Variants in P4HB observed in about 807,000 individuals in gnomAD.
P4HB encodes prolyl 4-hydroxylase subunit beta.
P4HB carries 20 observed loss-of-function variants against 52.6 expected under a neutral mutation model. The ratio of observed to expected loss-of-function variants is 0.38; its 90% CI spans 0.27 to 0.55. P4HB has a LOEUF of 0.55. Ranked by LOEUF, P4HB falls within the 20% of genes least tolerant of loss-of-function variation. The pLI, the probability that P4HB is intolerant of heterozygous loss-of-function variation, is 0.74. For synonymous variants in P4HB, 296 were observed against 277.9 expected (o/e 1.07, Z -0.65); for missense variants, 601 against 669.2 (o/e 0.90, Z 1.12).
Position 81,847,076 on chromosome 17 carries a change from T to C in P4HB, c.730-4A>G. Reference sequence around the variant, plus strand: ...CTCCAAAAATCTTCGGGGCTGTCTGTGTTATAAACTTAAGTTACTGGGTCT... The same window carrying C: ...CTCCAAAAATCTTCGGGGCTGTCTGCGTTATAAACTTAAGTTACTGGGTCT... On this transcript the variant is annotated splice_region_variant and splice_polypyrimidine_tract_variant and intron_variant, in intron 5 of 10. Coordinates refer to ENST00000331483, the MANE Select transcript of P4HB (RefSeq NM_000918.4). The C allele has an allele frequency of 1.2e-6, 2 of 1,614,016 alleles. No homozygotes were observed. The highest frequency in any genetic ancestry group is 8.5e-7 in the Non-Finnish European group (1 of 1,180,022).
At position 81,855,740 on chromosome 17, in the gene P4HB, G is replaced by A. The variant is rs1029380366; in HGVS notation, c.353-154C>T. On this transcript the variant is annotated intron_variant, in intron 2 of 10. Coordinates refer to ENST00000331483, the MANE Select transcript of P4HB (RefSeq NM_000918.4). The surrounding 1 kb of genome is among the most constrained non-coding windows in gnomAD (Gnocchi z 4.3). ...CCCACCATGGAAGAGGCCCGGTGCC[G>A]TCCGCCCGCCTCCTAAACCCCAGTG... 45 of 804,844 alleles carry A rather than the reference G, an allele frequency of 5.6e-5. No individual in the cohort carries two copies. The East Asian group carries it at 6.9e-4, about 12-fold the overall frequency. The allele number at this position is 804,844 out of a possible 1,614,324, so 49.9% of individuals were successfully genotyped here. A position where few individuals can be genotyped will look rare whatever the true frequency, so the allele number is the denominator to read the frequency against.
rs1463838078 is a variant in P4HB at position 81,846,324 on chromosome 17, T to G, written c.1056+105A>C. On this transcript the variant is annotated intron_variant, in intron 7 of 10. Coordinates refer to ENST00000331483, the MANE Select transcript of P4HB (RefSeq NM_000918.4). The surrounding 1 kb of genome is among the most constrained non-coding windows in gnomAD (Gnocchi z 5.7). The stretch of plus-strand genomic sequence containing the variant: ...CATCTTGGGCTCCGTCCTCTTACTC[T>G]GAAGATCTTACTTTGAGGACGAAGC... 2 of 1,071,992 alleles carry G rather than the reference T, an allele frequency of 1.9e-6. No individual in the cohort carries two copies. Among genetic ancestry groups the G allele is most frequent in the Non-Finnish European group, 2.8e-6 (2 of 711,026 alleles). 66.4% of individuals were successfully genotyped at this position (1,071,992 alleles called of 1,614,324 possible).
At chr17:81,859,610 G>A (rs1039150410) in intron 1 of P4HB, 1 of 569,692 alleles carries the variant, frequency 1.8e-6, no homozygotes, top group African/African-American at 1.9e-5. Context: ...ACCAACACCA[G>A]CCCCCACTCT....
Position 81,843,459 on chromosome 17 carries a change from C to T in P4HB, c.*553G>A, listed in dbSNP as rs1445237140. The T allele has an allele frequency of 7.5e-6, 3 of 400,234 alleles. No homozygotes were observed. In the Admixed American group the frequency reaches 1.3e-4, roughly 17 times the overall value. The allele number at this position is 400,234 out of a possible 1,614,324, so 24.8% of individuals were successfully genotyped here. A position where few individuals can be genotyped will look rare whatever the true frequency, so the allele number is the denominator to read the frequency against. On this transcript the variant is annotated 3_prime_UTR_variant, in exon 11 of 11. Transcript: ENST00000331483. ...CTCCTCTTCCAGGCATGGGGGACACCCTGACAGGATCCGGAAGTCTCCATT... is the reference window on the plus strand; with the variant it reads ...CTCCTCTTCCAGGCATGGGGGACACTCTGACAGGATCCGGAAGTCTCCATT...
chr17:81,846,785 G>T lies in P4HB; in HGVS notation c.856-156C>A. 1 of 1,200,406 alleles carries T rather than the reference G, an allele frequency of 8.3e-7. No individual in the cohort carries two copies. The highest frequency in any genetic ancestry group is 1.2e-6 in the Non-Finnish European group (1 of 836,044). 74.4% of individuals were successfully genotyped at this position (1,200,406 alleles called of 1,614,324 possible). A position where few individuals can be genotyped will look rare whatever the true frequency, so the allele number is the denominator to read the frequency against. ...AGACCAGCAGGTGACTGGGAGCAGA[G>T]GTCTGGCCTGGCTGGCCCCTCGCCT... On this transcript the variant is annotated intron_variant, in intron 6 of 10. Transcript: ENST00000331483. This position sits in a 1 kb window ranked among gnomAD's most constrained non-coding sequence, Gnocchi z 5.7.
chr17:81,856,985 G>A (rs187593300), intron 2 of P4HB, among the ~76,000 whole-genome samples: 54 of 151,662 alleles, frequency 3.6e-4, no homozygotes, highest in East Asian at 2.0e-4. Context: ...GTTTTGCCAC[G>A]TTGCCTAGGA....
intron 2 of P4HB, 153 bp downstream of exon 2, chr17:81,859,028 C>T (rs778085325): frequency 7.7e-6 from 5 of 649,766 alleles, no homozygotes; most frequent in African/African-American, 3.6e-5. Flanking sequence ...ACCCTCAGGG[C>T]ACAAGTGGAC....
Position 81,846,008 on chromosome 17 carries a change from G to A in P4HB, c.1057-17C>T, listed in dbSNP as rs2038730081. The A allele has an allele frequency of 4.4e-6, 7 of 1,598,156 alleles. No individual in the cohort carries two copies. The highest frequency in any genetic ancestry group is 2.2e-5 in the East Asian group (1 of 44,508). On this transcript the variant is annotated splice_polypyrimidine_tract_variant and intron_variant, in intron 7 of 10. Coordinates refer to ENST00000331483, the MANE Select transcript of P4HB (RefSeq NM_000918.4). This position sits in a 1 kb window ranked among gnomAD's most constrained non-coding sequence, Gnocchi z 5.7. ...CAGGTGGGGCTGGAGGGCAGGCAGG[G>A]CACGGTGAGGGGCGGCGATGCCTGG...
At chr17:81,845,511 C>A in intron 9 of P4HB, 50 bp downstream of exon 9, 1 of 1,512,288 alleles carries the variant, frequency 6.6e-7, no homozygotes, top group Non-Finnish European at 8.9e-7. Flanking sequence ...GCGTGGGGAC[C>A]ACTGCTCTTC....
rs550784125 is a variant in P4HB, at chr17:81,843,780, C to T, written c.*232G>A. The T allele has an allele frequency of 1.7e-6, 1 of 594,300 alleles. No individual in the cohort carries two copies. The highest frequency in any genetic ancestry group is 1.9e-5 in the African/African-American group (1 of 53,902). 36.8% of individuals were successfully genotyped at this position (594,300 alleles called of 1,614,324 possible). ...TACATCATGGTTTCAGGAAACAAGC[C>T]CCACCAGGGTGGGCTGCCTGGAGAT... On this transcript the variant is annotated 3_prime_UTR_variant, in exon 11 of 11. Transcript: ENST00000331483.
In P4HB at chr17:81,843,796, G is replaced by A. The variant is rs2038688868; in HGVS notation, c.*216C>T. ...GAAACAAGCCCCACCAGGGTGGGCTGCCTGGAGATGGATCCCTTTCCAAAA... is the reference window on the plus strand; with the variant it reads ...GAAACAAGCCCCACCAGGGTGGGCTACCTGGAGATGGATCCCTTTCCAAAA... On this transcript the variant is annotated 3_prime_UTR_variant, in exon 11 of 11. Coordinates refer to ENST00000331483, the MANE Select transcript of P4HB (RefSeq NM_000918.4). The A allele has an allele frequency of 5.0e-6, 3 of 603,926 alleles. No individual in the cohort carries two copies. Among genetic ancestry groups the A allele is most frequent in the African/African-American group, 3.7e-5 (2 of 54,024 alleles). 37.4% of individuals were successfully genotyped at this position (603,926 alleles called of 1,614,324 possible).
At chr17:81,845,088 C>T (rs1050546868) in intron 10 of P4HB, 56 bp downstream of exon 10, 33 of 1,359,130 alleles carry the variant, frequency 2.4e-5, no homozygotes, top group Admixed American at 1.1e-4. Context: ...GGGCATGTCC[C>T]GTGGGGCCAA....
Position 81,855,317 on chromosome 17 carries a change from C to T in P4HB, c.487-38G>A, listed in dbSNP as rs202036920. 160 of 1,612,960 alleles carry T rather than the reference C, an allele frequency of 9.9e-5. No homozygotes were observed. Among genetic ancestry groups the T allele is most frequent in the East Asian group, 2.5e-4 (11 of 44,858 alleles). ...GGAGAAGCAGAGGTCGTCATGATCC[C>T]GCAGCACCAAGCAGTAGGGCAGACC... is the stretch of plus-strand genomic sequence containing the variant. On this transcript the variant is annotated intron_variant, in intron 3 of 10. Transcript: ENST00000331483. This position sits in a 1 kb window ranked among gnomAD's most constrained non-coding sequence, Gnocchi z 4.3.
Position 81,855,591 on chromosome 17 carries a change from C to T in P4HB, c.353-5G>A. The T allele has an allele frequency of 6.2e-7, 1 of 1,612,138 alleles. No individual in the cohort carries two copies. The highest frequency in any genetic ancestry group is 2.2e-5 in the East Asian group (1 of 44,866). On this transcript the variant is annotated splice_polypyrimidine_tract_variant and splice_region_variant and intron_variant, in intron 2 of 10. Transcript: ENST00000331483. This position sits in a 1 kb window ranked among gnomAD's most constrained non-coding sequence, Gnocchi z 4.3. ...TGTCATCAGCCTCTCTGCCAGCTAA[C>T]CCCAAACAAATGTAGGTTCTACTCT... is the stretch of plus-strand genomic sequence containing the variant.
rs538147558 is a variant in P4HB, at chr17:81,853,438, T to A, written c.624+1704A>T. Among the ~76,000 whole-genome samples, 373 of 152,188 alleles carry A rather than the reference T, an allele frequency of 2.5e-3. 1 individual carries two copies. Among genetic ancestry groups the A allele is most frequent in the Non-Finnish European group, 3.7e-3 (254 of 67,986 alleles). On this transcript the variant is annotated intron_variant, in intron 4 of 10. Coordinates refer to ENST00000331483, the MANE Select transcript of P4HB (RefSeq NM_000918.4). Reference sequence around the variant, plus strand: ...ATACAAAAAAATTAGCTGGGTGTGGTGGCGGGTGCCCTGTAGTCCCAGCTA... The same window carrying A: ...ATACAAAAAAATTAGCTGGGTGTGGAGGCGGGTGCCCTGTAGTCCCAGCTA...
chr17:81,856,486 C>T (rs1420360844), intron 2 of P4HB, among the ~76,000 whole-genome samples: 9 of 151,498 alleles, frequency 5.9e-5, no homozygotes, highest in African/African-American at 2.2e-4. Flanking sequence ...TATAGGTGCC[C>T]GCCACCACAC....
intron 4 of P4HB, among the ~76,000 whole-genome samples, chr17:81,851,692 G>C (rs1429012314): frequency 6.6e-6 from 1 of 152,226 alleles, no homozygotes; most frequent in Non-Finnish European, 1.5e-5. Context: ...CAGAGTGTCA[G>C]GCGCCGCCTA....
In P4HB at chr17:81,855,024, A is replaced by G. The variant is rs145875177; in HGVS notation, c.624+118T>C. The G allele has an allele frequency of 0.01, 10,037 of 967,124 alleles. 75 individuals are homozygous for G. Among genetic ancestry groups the G allele is most frequent in the Non-Finnish European group, 0.013 (8,206 of 613,698 alleles). 59.9% of individuals were successfully genotyped at this position (967,124 alleles called of 1,614,324 possible). On this transcript the variant is annotated intron_variant, in intron 4 of 10. Coordinates refer to ENST00000331483, the MANE Select transcript of P4HB (RefSeq NM_000918.4). This position sits in a 1 kb window ranked among gnomAD's most constrained non-coding sequence, Gnocchi z 4.3. ...CCCCAACTTGGCAAAGCTGCAGAAC[A>G]TACCTATTGGGCCAAAGGTGCCAGG...
chr17:81,845,332 G>T, intron 9 of P4HB, 102 bp from the exon 10 acceptor site: 1 of 1,024,204 alleles, frequency 9.8e-7, no homozygotes, highest in Non-Finnish European at 1.5e-6. Flanking sequence ...GGCCCGGTCC[G>T]GTGGCTCACA....
Sources: allele counts gnomAD v4.1 joint callset (sites outside exome capture counted in the v4.1 genomes callset), GRCh38; gene constraint gnomAD v4.1.1; non-coding constraint Gnocchi (gnomAD v3.1); transcripts MANE v1.5; gene names NCBI Gene and HGNC (gene_info 2026-07-23, HGNC 2026-07-21).